Variants in PPP1R9A observed in about 807,000 individuals in gnomAD.
The protein encoded by PPP1R9A is protein phosphatase 1 regulatory subunit 9A.
In PPP1R9A, 59 loss-of-function variants were observed where a neutral mutation model predicts 141.9. The ratio of observed to expected loss-of-function variants is 0.42; its 90% CI spans 0.34 to 0.52. The LOEUF (loss-of-function observed/expected upper bound fraction) is 0.52, where lower values mean the gene tolerates loss of function less well. Ranked by LOEUF, PPP1R9A falls within the 20% of genes least tolerant of loss-of-function variation. PPP1R9A has a pLI of 0.10. For missense variants in PPP1R9A, 1,444 were observed against 1,611.9 expected (o/e 0.90, Z 1.78); for synonymous variants, 500 against 569.7 (o/e 0.88, Z 1.74).
intron 19 of PPP1R9A, among the ~76,000 whole-genome samples, chr7:95,289,107 C>G (rs911443298): frequency 2.0e-5 from 3 of 152,178 alleles, no homozygotes; most frequent in African/African-American, 7.2e-5. Flanking sequence ...TCTCCTTCAC[C>G]TCCACTCTTC....
intron 2 of PPP1R9A, among the ~76,000 whole-genome samples, chr7:95,002,880 T>C (rs2151536922): frequency 6.6e-6 from 1 of 152,254 alleles, no homozygotes; most frequent in East Asian, 1.9e-4. Flanking sequence ...CTGTAATAGC[T>C]ATGACTATAA....
At chr7:94,939,566 C>A (rs1052083154) in intron 2 of PPP1R9A, among the ~76,000 whole-genome samples, 4 of 151,684 alleles carry the variant, frequency 2.6e-5, no homozygotes, top group Non-Finnish European at 5.9e-5. Flanking sequence ...GCTGAGTATT[C>A]CAGTGGACTT....
chr7:95,050,148 C>T (rs557622557), intron 2 of PPP1R9A, among the ~76,000 whole-genome samples: 4 of 152,212 alleles, frequency 2.6e-5, no homozygotes, highest in South Asian at 2.1e-4. Flanking sequence ...TAGCAGCATT[C>T]GGTATTGTTA....
chr7:95,244,029 C>A (rs1797795803), intron 8 of PPP1R9A, among the ~76,000 whole-genome samples: 1 of 152,094 alleles, frequency 6.6e-6, no homozygotes, highest in African/African-American at 2.4e-5. Context: ...TGTAGAAATT[C>A]TCTTAATGTA....
chr7:95,048,523 TTTGTTGTTG>T lies in PPP1R9A; in HGVS notation c.1396-62709_1396-62701del, dbSNP rs34158265. ...TATTTTTTTTTAACCATGACAGCGT[TTTGTTGTTG>T]TTGTTGTTGTTGTTGTTGTTGTTGT... On this transcript the variant is annotated intron_variant, in intron 2 of 19. Coordinates refer to ENST00000433360, the MANE Select transcript of PPP1R9A (RefSeq NM_001166160.2). Among the ~76,000 whole-genome samples the T allele has an allele frequency of 4.0e-4, 60 of 150,592 alleles. 1 individual carries two copies. The highest frequency in any genetic ancestry group is 3.5e-3 in the Admixed American group (53 of 15,062).
At chr7:95,123,411 G>A (rs1407924700) in intron 4 of PPP1R9A, among the ~76,000 whole-genome samples, 1 of 152,240 alleles carries the variant, frequency 6.6e-6, no homozygotes, top group Admixed American at 6.5e-5. Context: ...CACTTTGGGA[G>A]GCTGAGGCAG....
At chr7:95,012,193 C>T (rs854736) in intron 2 of PPP1R9A, among the ~76,000 whole-genome samples, 100,590 of 151,906 alleles carry the variant, frequency 0.66, 34,324 homozygotes, top group African/African-American at 0.82. Context: ...TTCTACAGGC[C>T]GTACAGGAAG....
At chr7:95,081,911 C>T (rs917694526) in intron 2 of PPP1R9A, among the ~76,000 whole-genome samples, 1 of 152,174 alleles carries the variant, frequency 6.6e-6, no homozygotes, top group African/African-American at 2.4e-5. Flanking sequence ...TTCCCAGTGC[C>T]ATGATAGCCT....
At chr7:95,264,706 T>G (rs960842416) in intron 12 of PPP1R9A, among the ~76,000 whole-genome samples, 1 of 152,198 alleles carries the variant, frequency 6.6e-6, no homozygotes, top group Non-Finnish European at 1.5e-5. Flanking sequence ...TCTGTATTTA[T>G]TGATTCACCT....
chr7:95,167,489 A>G (rs1831443542), intron 5 of PPP1R9A, among the ~76,000 whole-genome samples: 2 of 152,230 alleles, frequency 1.3e-5, no homozygotes, highest in Non-Finnish European at 2.9e-5. Flanking sequence ...AGCTGGAACA[A>G]GACAAGAATG....
chr7:95,271,694 C>G (rs1310941853), intron 14 of PPP1R9A, among the ~76,000 whole-genome samples: 1 of 152,100 alleles, frequency 6.6e-6, no homozygotes, highest in Non-Finnish European at 1.5e-5. Context: ...ATCAGGAGAT[C>G]ATTTATTATT....
intron 7 of PPP1R9A, 96 bp downstream of exon 7, chr7:95,203,826 C>G (rs2152879870): frequency 1.1e-6 from 1 of 884,228 alleles, no homozygotes; most frequent in Non-Finnish European, 1.7e-6. Flanking sequence ...TCTGTATGTT[C>G]TGAAGAACTT....
At chr7:94,957,086 G>T (rs879868840) in intron 2 of PPP1R9A, among the ~76,000 whole-genome samples, 4 of 152,044 alleles carry the variant, frequency 2.6e-5, no homozygotes, top group Non-Finnish European at 5.9e-5. Context: ...ATCTTATTTT[G>T]GAACAAGTGG....
intron 2 of PPP1R9A, among the ~76,000 whole-genome samples, chr7:95,070,633 A>ATATAC (rs1296970916): frequency 1.4e-5 from 2 of 147,196 alleles, no homozygotes; most frequent in African/African-American, 2.5e-5. Flanking sequence ...ACATATATAT[A>ATATAC]AGGTGTTTTT....
At position 95,284,272 on chromosome 7, in the gene PPP1R9A, C is replaced by T; in HGVS notation, c.3551C>T (p.Ser1184Phe). The stretch of plus-strand genomic sequence containing the variant: ...AAGAGAAACCCAAATCCCTCCTCTT[C>T]TTCAATCTTTGGAAGGCATTCTCAA... ...ANKRNPNPSSSSIFGRHSQLM... is the reference protein window; with the variant it reads ...ANKRNPNPSSFSIFGRHSQLM... Residue 1184 changes from serine to phenylalanine, a missense_variant, in exon 17 of 20, where the codon TCT becomes TTT. Transcript: ENST00000433360. The T allele has an allele frequency of 6.4e-7, 1 of 1,570,792 alleles. No homozygotes were observed. Among genetic ancestry groups the T allele is most frequent in the Non-Finnish European group, 8.7e-7 (1 of 1,155,732 alleles).
At chr7:95,197,944 C>T (rs1836531149) in intron 5 of PPP1R9A, among the ~76,000 whole-genome samples, 1 of 152,184 alleles carries the variant, frequency 6.6e-6, no homozygotes, top group African/African-American at 2.4e-5. Flanking sequence ...CCACTGAGCC[C>T]AGCCCTCAAA....
At chr7:95,189,755 A>C (rs1190094233) in intron 5 of PPP1R9A, among the ~76,000 whole-genome samples, 1 of 151,998 alleles carries the variant, frequency 6.6e-6, no homozygotes. Flanking sequence ...TATTCTTTAA[A>C]AATTATTTGT....
At chr7:95,018,256 C>A in intron 2 of PPP1R9A, 2 of 230,692 alleles carry the variant, frequency 8.7e-6, no homozygotes, top group South Asian at 1.6e-4. Context: ...ACCACCCATT[C>A]ATTCAGTAAC....
At chr7:94,929,075 T>G (rs1340220994) in intron 2 of PPP1R9A, among the ~76,000 whole-genome samples, 2 of 152,224 alleles carry the variant, frequency 1.3e-5, no homozygotes, top group African/African-American at 4.8e-5. Flanking sequence ...ATAGACCTAT[T>G]AAAATATACA....
Sources: gnomAD v4.1 joint callset for allele counts (sites outside exome capture counted in the v4.1 genomes callset) on GRCh38, gnomAD v4.1.1 for gene constraint, MANE v1.5 for transcripts, NCBI Gene and HGNC (gene_info 2026-07-23, HGNC 2026-07-21) for gene names.